ROBO2: variants seen among roughly 807,000 people sequenced by gnomAD.
ROBO2 encodes the protein roundabout homolog 2.
A neutral mutation model predicts 160.8 loss-of-function variants in ROBO2; 53 were observed. The ratio of observed to expected loss-of-function variants is 0.33; its 90% confidence interval spans 0.26 to 0.41. The LOEUF is 0.41. Among genes scored for constraint, ROBO2 ranks in the 10% least tolerant of loss-of-function variants. The probability of loss-of-function intolerance (pLI) is 1.00; values close to 1 mark genes in which losing one functional copy is unlikely to be tolerated. For missense variants in ROBO2, 1,577 were observed against 1,722.4 expected (o/e 0.92, Z 1.49); for synonymous variants, 664 against 611.7 (o/e 1.09, Z -1.26).
At chr3:76,068,119 A>G (rs1391950131) in intron 2 of ROBO2, among the ~76,000 whole-genome samples, 2 of 152,152 alleles carry the variant, frequency 1.3e-5, no homozygotes, top group Non-Finnish European at 2.9e-5. Flanking sequence ...CAAAGACGCA[A>G]AGGAACAGAG....
chr3:76,260,847 G>A (rs1165695734), intron 2 of ROBO2, among the ~76,000 whole-genome samples: 1 of 152,020 alleles, frequency 6.6e-6, no homozygotes, highest in Non-Finnish European at 1.5e-5. Flanking sequence ...CAAAAACAGT[G>A]AAAGATAGCA....
At chr3:76,945,250 G>C (rs1016841916) in intron 2 of ROBO2, among the ~76,000 whole-genome samples, 6 of 152,044 alleles carry the variant, frequency 3.9e-5, no homozygotes, top group Non-Finnish European at 7.4e-5. Flanking sequence ...AGTATTTTGC[G>C]CATAATAAGC....
At chr3:76,032,657 T>C (rs1182848559) in intron 2 of ROBO2, among the ~76,000 whole-genome samples, 1 of 152,208 alleles carries the variant, frequency 6.6e-6, no homozygotes, top group African/African-American at 2.4e-5. Context: ...TTCCATGTAG[T>C]TGTGCAGTTT....
intron 2 of ROBO2, among the ~76,000 whole-genome samples, chr3:76,906,490 T>C (rs982595759): frequency 4.6e-5 from 7 of 151,848 alleles, no homozygotes; most frequent in Admixed American, 2.0e-4. Context: ...TATTCGGTGG[T>C]ATCTGATAAT....
intron 2 of ROBO2, among the ~76,000 whole-genome samples, chr3:76,864,460 C>T (rs1052047886): frequency 6.6e-6 from 1 of 151,970 alleles, no homozygotes; most frequent in Non-Finnish European, 1.5e-5. Context: ...ATCGTTTCTG[C>T]ATTTCATATC....
chr3:77,148,965 C>G (rs1328723880), intron 2 of ROBO2, among the ~76,000 whole-genome samples: 2 of 151,790 alleles, frequency 1.3e-5, no homozygotes, highest in African/African-American at 4.8e-5. Context: ...TCTGCTTATT[C>G]CTTTGACTTA....
intron 5 of ROBO2, among the ~76,000 whole-genome samples, chr3:77,506,474 G>A (rs190766226): frequency 2.6e-5 from 4 of 152,126 alleles, no homozygotes; most frequent in East Asian, 3.9e-4. Flanking sequence ...TGGTGCTCAC[G>A]AGTTAGTCCT....
At chr3:77,019,266 T>C (rs2062476066) in intron 2 of ROBO2, among the ~76,000 whole-genome samples, 1 of 152,076 alleles carries the variant, frequency 6.6e-6, no homozygotes, top group Non-Finnish European at 1.5e-5. Context: ...CATTTTTTGG[T>C]TCATAAATGG....
At chr3:75,941,712 C>A (rs1226382721) in intron 2 of ROBO2, among the ~76,000 whole-genome samples, 3 of 152,094 alleles carry the variant, frequency 2.0e-5, no homozygotes, top group Non-Finnish European at 4.4e-5. Context: ...CTGATAATAT[C>A]TGGCAATTCC....
At chr3:77,434,344 C>A (rs554996976) in intron 2 of ROBO2, among the ~76,000 whole-genome samples, 76 of 152,172 alleles carry the variant, frequency 5.0e-4, no homozygotes, top group Middle Eastern at 6.8e-3. Context: ...ACTGTATTCA[C>A]AACTGTAATT....
chr3:77,356,932 A>G (rs1207797902), intron 2 of ROBO2, among the ~76,000 whole-genome samples: 1 of 152,178 alleles, frequency 6.6e-6, no homozygotes, highest in East Asian at 1.9e-4. Flanking sequence ...TGATGACTAA[A>G]GAAGACATTA....
chr3:77,486,643 T>C lies in ROBO2; in HGVS notation c.667+5424T>C, dbSNP rs1326486360. Among the ~76,000 whole-genome samples, 8 of 152,218 alleles carry C rather than the reference T, an allele frequency of 5.3e-5. No individual in the cohort carries two copies. The East Asian group carries it at 1.4e-3, about 26-fold the overall frequency. ...TTTTTTCTTGTAAATTTGTTTAAGT[T>C]CCTTGTACATCTGGATATTAGACCT... On this transcript the variant is annotated intron_variant, in intron 4 of 25. Transcript: ENST00000461745.
chr3:77,479,536 A>T (rs2084430133), intron 3 of ROBO2, among the ~76,000 whole-genome samples: 1 of 152,100 alleles, frequency 6.6e-6, no homozygotes, highest in African/African-American at 2.4e-5. Flanking sequence ...GTGCTCAGAA[A>T]GCCAAAGCAC....
chr3:76,844,856 C>A (rs1410065118), intron 2 of ROBO2, among the ~76,000 whole-genome samples: 1 of 151,492 alleles, frequency 6.6e-6, no homozygotes, highest in African/African-American at 2.4e-5. Context: ...TATGAAAAAT[C>A]AACAAAGTAG....
chr3:76,663,643 G>A (rs975121478), intron 2 of ROBO2, among the ~76,000 whole-genome samples: 2 of 152,088 alleles, frequency 1.3e-5, no homozygotes, highest in Non-Finnish European at 2.9e-5. Flanking sequence ...TTAGTCATTC[G>A]TTATGATGCT....
At chr3:76,907,633 T>G (rs1422277331) in intron 2 of ROBO2, among the ~76,000 whole-genome samples, 3 of 152,152 alleles carry the variant, frequency 2.0e-5, no homozygotes, top group African/African-American at 4.8e-5. Context: ...TTTAACAATT[T>G]GATAATATTT....
intron 2 of ROBO2, among the ~76,000 whole-genome samples, chr3:77,323,390 A>T (rs535237970): frequency 6.6e-6 from 1 of 152,192 alleles, no homozygotes; most frequent in African/African-American, 2.4e-5. Context: ...GATATCAGGT[A>T]TAAGATGAGA....
At chr3:76,888,823 C>CGTAT (rs2074116998) in intron 2 of ROBO2, among the ~76,000 whole-genome samples, 1 of 152,152 alleles carries the variant, frequency 6.6e-6, no homozygotes, top group South Asian at 2.1e-4. Flanking sequence ...AATGTTCACA[C>CGTAT]GTATGTAATG....
At chr3:77,238,912 T>C (rs1295493706) in intron 2 of ROBO2, among the ~76,000 whole-genome samples, 1 of 152,168 alleles carries the variant, frequency 6.6e-6, no homozygotes, top group Non-Finnish European at 1.5e-5. Flanking sequence ...TGAGCAATTA[T>C]CATTCATTTC....
Sources: gnomAD v4.1 joint callset for allele counts (sites outside exome capture counted in the v4.1 genomes callset) on GRCh38, gnomAD v4.1.1 for gene constraint, MANE v1.5 for transcripts, NCBI Gene and HGNC (gene_info 2026-07-23, HGNC 2026-07-21) for gene names.